Variants in GALK2 observed in about 807,000 individuals in gnomAD.
GALK2 encodes galactokinase 2.
GALK2 carries 36 observed loss-of-function variants against 52.4 expected under a neutral mutation model. That is an observed-to-expected ratio of 0.69 (90% CI 0.53 to 0.91). The LOEUF is 0.91. Ranked by LOEUF, GALK2 falls within the 40% of genes least tolerant of loss-of-function variation. GALK2 has a pLI of 0.00. For synonymous variants in GALK2, 176 were observed against 199.1 expected, an observed-to-expected ratio of 0.88 and a Z score of 0.98; for missense variants, 579 against 559.1, an observed-to-expected ratio of 1.04 and a Z score of -0.36.
Position 49,274,904 on chromosome 15 carries a change from C to A in GALK2, c.505-7083C>A, listed in dbSNP as rs547340847. Among the ~76,000 whole-genome samples the A allele has an allele frequency of 2.6e-5, 4 of 152,220 alleles. No individual in the cohort carries two copies. The South Asian group carries it at 6.2e-4, about 24-fold the overall frequency. On this transcript the variant is annotated intron_variant, in intron 5 of 9. Transcript: ENST00000560031. ...ATAACATGGATGGAGCTGTCATCTC[C>A]TGTGATAACAGTGCCTTCTTCTGGC...
At chr15:49,171,076 CTTTTTCTTTTTTTTTTTTT>C (rs1490038467) in intron 1 of GALK2, among the ~76,000 whole-genome samples, 3 of 140,842 alleles carry the variant, frequency 2.1e-5, no homozygotes, top group East Asian at 2.0e-4. Context: ...TTTTCTTTTT[CTTTTTCTTTTTTTTTTTTT>C]TTTTGAGACG....
intron 8 of GALK2, among the ~76,000 whole-genome samples, chr15:49,309,013 A>G (rs957682918): frequency 6.6e-6 from 1 of 152,164 alleles, no homozygotes; most frequent in Non-Finnish European, 1.5e-5. Context: ...GTCTCTTTTG[A>G]GTCACTTGAC....
At chr15:49,172,281 T>C (rs1305588081) in intron 1 of GALK2, among the ~76,000 whole-genome samples, 2 of 152,222 alleles carry the variant, frequency 1.3e-5, no homozygotes, top group Non-Finnish European at 2.9e-5. Context: ...TCATGATTTT[T>C]ATATTATTCA....
chr15:49,203,600 T>C (rs2087980997), intron 2 of GALK2, among the ~76,000 whole-genome samples: 1 of 152,228 alleles, frequency 6.6e-6, no homozygotes. Context: ...AATCTTTGCC[T>C]AGACCAATGT....
In GALK2 at chr15:49,366,006, AAATATTACAACTGTAAGAGGACT is replaced by A. The variant is rs1423914441; in HGVS notation, c.427-1482_427-1460del. The A allele has an allele frequency of 7.0e-5, 56 of 804,372 alleles. 1 individual carries two copies. The Middle Eastern group carries it at 1.4e-3, about 20-fold the overall frequency. The allele number at this position is 804,372 out of a possible 1,614,324, so 49.8% of individuals were successfully genotyped here. A position where few individuals can be genotyped will look rare whatever the true frequency, so the allele number is the denominator to read the frequency against. On this transcript the variant is annotated intron_variant, in intron 3 of 3. Transcript: ENST00000558399. ...CCATCATAACACAGTAGATGACTAC[AAATATTACAACTGTAAGAGGACT>A]AAAAGTTAGATATTCTTCCTTTTTT...
chr15:49,298,514 C>G (rs1340464850), intron 8 of GALK2, among the ~76,000 whole-genome samples: 2 of 152,202 alleles, frequency 1.3e-5, no homozygotes, highest in Non-Finnish European at 2.9e-5. Flanking sequence ...ATGCCTCTAG[C>G]TTTTGCCTGT....
chr15:49,367,499 G>A, exon 4 of GALK2: 1 of 1,604,136 alleles, frequency 6.2e-7, no homozygotes, highest in South Asian at 1.1e-5. Context: ...AGGTGCTTTG[G>A]AAATACCAGC....
chr15:49,312,719 A>G (rs2036094844), intron 8 of GALK2, among the ~76,000 whole-genome samples: 1 of 152,130 alleles, frequency 6.6e-6, no homozygotes, highest in African/African-American at 2.4e-5. Flanking sequence ...TACATAGTGG[A>G]CCCTCAACAA....
chr15:49,332,393 C>T (rs1285990763), downstream of GALK2, among the ~76,000 whole-genome samples: 5 of 152,140 alleles, frequency 3.3e-5, no homozygotes, highest in Non-Finnish European at 7.3e-5. Flanking sequence ...TGGGTGACAG[C>T]GCTTACTAGA....
At chr15:49,181,107 C>A (rs1462354870) in intron 1 of GALK2, among the ~76,000 whole-genome samples, 1 of 120,344 alleles carries the variant, frequency 8.3e-6, no homozygotes, top group Non-Finnish European at 1.7e-5. Flanking sequence ...CCCCCCTCCC[C>A]TCATCTCCTC....
At chr15:49,346,353 G>C (rs535911321) in intron 3 of GALK2, among the ~76,000 whole-genome samples, 1 of 152,260 alleles carries the variant, frequency 6.6e-6, no homozygotes, top group East Asian at 1.9e-4. Flanking sequence ...TATGAAGCCT[G>C]ACTATGCTTG....
intron 1 of GALK2, among the ~76,000 whole-genome samples, chr15:49,182,879 T>C (rs1467435522): frequency 6.6e-6 from 1 of 152,228 alleles, no homozygotes; most frequent in Admixed American, 6.5e-5. Context: ...TTACATTTTC[T>C]GGTTTTTAAT....
At chr15:49,195,577 A>C (rs970543965) in intron 1 of GALK2, among the ~76,000 whole-genome samples, 3 of 151,724 alleles carry the variant, frequency 2.0e-5, no homozygotes, top group Admixed American at 2.0e-4. Flanking sequence ...ACATCCTGTT[A>C]CCTTAGTGAA....
intron 1 of GALK2, among the ~76,000 whole-genome samples, chr15:49,182,331 C>CT (rs1566911625): frequency 6.6e-6 from 1 of 152,212 alleles, no homozygotes; most frequent in Non-Finnish European, 1.5e-5. Context: ...GGATCTCATT[C>CT]TTTTTTACGG....
chr15:49,266,803 T>C (rs1165650868), intron 5 of GALK2, among the ~76,000 whole-genome samples: 1 of 152,166 alleles, frequency 6.6e-6, no homozygotes, highest in Non-Finnish European at 1.5e-5. Flanking sequence ...TATATTGTTA[T>C]AACCTTGTGG....
chr15:49,155,892 T>TA, exon 1 of GALK2: 1 of 1,291,370 alleles, frequency 7.7e-7, no homozygotes, highest in Non-Finnish European at 1.1e-6. Context: ...GCCTCCTGGG[T>TA]AAAGGAGCAG....
Position 49,239,151 on chromosome 15 carries a change from T to C in GALK2, c.358-70T>C. ...TGATAGACTTTTGTTCTCTGGGGAA[T>C]GAAAGAAGCTTTCACTACTCCTTGA... On this transcript the variant is annotated intron_variant, in intron 4 of 9. Coordinates refer to ENST00000560031, the MANE Select transcript of GALK2 (RefSeq NM_002044.4). 3 of 1,364,960 alleles carry C rather than the reference T, an allele frequency of 2.2e-6. No homozygotes were observed. The South Asian group carries it at 3.6e-5, about 16-fold the overall frequency. 84.6% of individuals were successfully genotyped at this position (1,364,960 alleles called of 1,614,324 possible). A position where few individuals can be genotyped will look rare whatever the true frequency, so the allele number is the denominator to read the frequency against.
intron 5 of GALK2, among the ~76,000 whole-genome samples, chr15:49,261,471 A>T (rs1485846938): frequency 6.6e-6 from 1 of 151,994 alleles, no homozygotes; most frequent in Non-Finnish European, 1.5e-5. Context: ...TTTTGGGCTG[A>T]GACAATGGGG....
chr15:49,156,542 G>T, intron 1 of GALK2: 1 of 516,452 alleles, frequency 1.9e-6, no homozygotes, highest in East Asian at 5.0e-5. Flanking sequence ...TGATTCCAAA[G>T]ATCCTGTGTC....
Sources: gnomAD v4.1 joint callset for allele counts (sites outside exome capture counted in the v4.1 genomes callset) on GRCh38, gnomAD v4.1.1 for gene constraint, MANE v1.5 for transcripts, NCBI Gene and HGNC (gene_info 2026-07-23, HGNC 2026-07-21) for gene names.